PLCG2: variants seen among roughly 807,000 people sequenced by gnomAD.
The protein encoded by PLCG2 is phospholipase C gamma 2.
In PLCG2, 69 loss-of-function variants were observed where a neutral mutation model predicts 175.6. The ratio of observed to expected loss-of-function variants is 0.39; its 90% confidence interval spans 0.32 to 0.48. The LOEUF (loss-of-function observed/expected upper bound fraction) is 0.48. Ranked by LOEUF, PLCG2 falls within the 20% of genes least tolerant of loss-of-function variation. PLCG2 has a pLI of 0.91. For missense variants in PLCG2, 1,798 were observed against 1,650.9 expected, an observed-to-expected ratio of 1.09 and a Z score of -1.54; for synonymous variants, 827 against 624.0, an observed-to-expected ratio of 1.33 and a Z score of -4.85.
intron 5 of PLCG2, 111 bp from the exon 6 acceptor site, chr16:81,869,103 G>T: frequency 2.7e-6 from 2 of 747,840 alleles, no homozygotes; most frequent in South Asian, 3.1e-5. Flanking sequence ...AATAACTGTT[G>T]ACCAGGCTCT....
intron 3 of PLCG2, among the ~76,000 whole-genome samples, chr16:81,856,515 A>G (rs549212092): frequency 6.6e-6 from 1 of 152,324 alleles, no homozygotes; most frequent in South Asian, 2.1e-4. Flanking sequence ...AGCAAGCTCT[A>G]CTTGCTGTCC....
intron 2 of PLCG2, among the ~76,000 whole-genome samples, chr16:81,804,492 T>G (rs543374306): frequency 6.6e-6 from 1 of 152,358 alleles, no homozygotes; most frequent in African/African-American, 2.4e-5. Context: ...GGACACTGAT[T>G]GGCAAGGATG....
chr16:81,944,855 A>C (rs991002806), intron 30 of PLCG2, among the ~76,000 whole-genome samples: 3 of 152,138 alleles, frequency 2.0e-5, no homozygotes, highest in Non-Finnish European at 4.4e-5. Flanking sequence ...TCCCCCATAG[A>C]TATCAAGGGC....
intron 30 of PLCG2, among the ~76,000 whole-genome samples, chr16:81,945,915 C>T (rs1911130721): frequency 1.3e-5 from 2 of 152,208 alleles, no homozygotes; most frequent in Middle Eastern, 3.2e-3. Flanking sequence ...TTAATTTCTT[C>T]TGAGTGAATC....
At chr16:81,778,044 A>AAACAAACAAACAAACAAAC (rs1567457783), upstream of PLCG2, among the ~76,000 whole-genome samples, 1 of 83,782 alleles carries the variant, frequency 1.2e-5, no homozygotes, top group African/African-American at 5.6e-5. Flanking sequence ...AAAAAAAAAC[A>AAACAAACAAACAAACAAAC]AAAAAAAAAA....
chr16:81,813,244 C>T (rs535280174), intron 2 of PLCG2, among the ~76,000 whole-genome samples: 36 of 152,276 alleles, frequency 2.4e-4, no homozygotes, highest in African/African-American at 8.7e-4. Flanking sequence ...AGCATTGAAT[C>T]TATAAATTAC....
At chr16:81,802,632 C>T (rs542432066) in intron 2 of PLCG2, among the ~76,000 whole-genome samples, 46 of 151,994 alleles carry the variant, frequency 3.0e-4, no homozygotes, top group African/African-American at 9.4e-4. Context: ...AGTGCAGTGG[C>T]GCAATCTCAG....
chr16:81,841,643 G>A (rs1483174723), intron 2 of PLCG2, among the ~76,000 whole-genome samples: 1 of 152,076 alleles, frequency 6.6e-6, no homozygotes, highest in African/African-American at 2.4e-5. Flanking sequence ...AGCCAGAATA[G>A]AGGCTTCTTC....
In PLCG2 at chr16:81,962,344, T is replaced by G. The variant is rs77055354; in HGVS notation, c.*4346T>G. 4.8e-6 allele frequency: 1 copy of G among 207,896 alleles called. No individual in the cohort carries two copies. Among genetic ancestry groups the G allele is most frequent in the Non-Finnish European group, 9.8e-6 (1 of 102,348 alleles). 12.9% of individuals were successfully genotyped at this position (207,896 alleles called of 1,614,324 possible). A position where few individuals can be genotyped will look rare whatever the true frequency, so the allele number is the denominator to read the frequency against. On this transcript the variant is annotated 3_prime_UTR_variant, in exon 33 of 33. Transcript: ENST00000564138. Reference sequence around the variant, plus strand: ...TTCTAACCAACAAAAAGTTAATAATTAGATTTGGAATTATACAGAATTAGA... The same window carrying G: ...TTCTAACCAACAAAAAGTTAATAATGAGATTTGGAATTATACAGAATTAGA...
intron 7 of PLCG2, among the ~76,000 whole-genome samples, chr16:81,875,558 A>G (rs1447857768): frequency 6.6e-6 from 1 of 152,194 alleles, no homozygotes; most frequent in Non-Finnish European, 1.5e-5. Context: ...AGCTGACTTC[A>G]GCCATTATCA....
Position 81,862,368 on chromosome 16 carries a change from G to A in PLCG2, c.479+3205G>A, listed in dbSNP as rs116536188. Among the ~76,000 whole-genome samples the A allele has an allele frequency of 4.9e-3, 744 of 152,334 alleles. 7 individuals are homozygous for A. The highest frequency in any genetic ancestry group is 0.017 in the African/African-American group (711 of 41,572). ...TACAGCCTTCTTTGCAGCCGTGGCT[G>A]TAATAAGCACTTTACATCCTTAGGA... On this transcript the variant is annotated intron_variant, in intron 5 of 32. Coordinates refer to ENST00000564138, the MANE Select transcript of PLCG2 (RefSeq NM_002661.5).
chr16:81,765,418 G>A (rs950619380), intron 2 of PLCG2, among the ~76,000 whole-genome samples: 5 of 152,216 alleles, frequency 3.3e-5, no homozygotes, highest in African/African-American at 9.7e-5. Context: ...ATCACTTGAG[G>A]TCAGGAGTTC....
intron 2 of PLCG2, among the ~76,000 whole-genome samples, chr16:81,816,502 C>G (rs900619419): frequency 2.0e-5 from 3 of 149,440 alleles, no homozygotes; most frequent in Non-Finnish European, 3.0e-5. Flanking sequence ...TTTTGAGACA[C>G]GGTCTCATTC....
At chr16:81,889,931 A>C (rs1163255407) in intron 10 of PLCG2, among the ~76,000 whole-genome samples, 1 of 152,034 alleles carries the variant, frequency 6.6e-6, no homozygotes, top group Admixed American at 6.6e-5. Context: ...CTGGGATTAT[A>C]GGTGTGAGCC....
intron 14 of PLCG2, among the ~76,000 whole-genome samples, chr16:81,902,547 A>T (rs887806704): frequency 1.3e-5 from 2 of 152,064 alleles, no homozygotes; most frequent in Admixed American, 1.3e-4. Flanking sequence ...CCTCTTTTAT[A>T]AGGGCACCAT....
chr16:81,961,333 T>A lies in PLCG2; in HGVS notation c.*3335T>A, dbSNP rs116080155. 6.4e-3 allele frequency: 1,431 copies of A among 225,326 alleles called. 28 individuals carry two copies. The highest frequency in any genetic ancestry group is 0.029 in the African/African-American group (1,324 of 45,032). The allele number at this position is 225,326 out of a possible 1,614,324, so 14.0% of individuals were successfully genotyped here. A position where few individuals can be genotyped will look rare whatever the true frequency, so the allele number is the denominator to read the frequency against. ...TTAAGATGTTATCAATCTACATAGA[T>A]GAAATAATTGTGGAGAAAAGCCCTC... On this transcript the variant is annotated 3_prime_UTR_variant, in exon 33 of 33. Transcript: ENST00000564138.
chr16:81,800,377 C>T (rs184987916), intron 2 of PLCG2, among the ~76,000 whole-genome samples: 98 of 152,220 alleles, frequency 6.4e-4, no homozygotes, highest in African/African-American at 2.3e-3. Context: ...TACCCTGCTC[C>T]CCAACAGGCC....
At chr16:81,805,983 TA>T (rs1912004346) in intron 2 of PLCG2, among the ~76,000 whole-genome samples, 1 of 151,898 alleles carries the variant, frequency 6.6e-6, no homozygotes, top group Admixed American at 6.6e-5. Context: ...TTCATAAAGG[TA>T]AAAAGAGGTG....
intron 31 of PLCG2, among the ~76,000 whole-genome samples, chr16:81,950,002 T>C (rs12932861): frequency 0.08 from 12,149 of 152,090 alleles, 495 homozygotes; most frequent in African/African-American, 0.092. Context: ...ACTGTCAGAA[T>C]TGAAAAACAG....
Sources: gnomAD v4.1 joint callset for allele counts (sites outside exome capture counted in the v4.1 genomes callset) on GRCh38, gnomAD v4.1.1 for gene constraint, MANE v1.5 for transcripts, NCBI Gene and HGNC (gene_info 2026-07-23, HGNC 2026-07-21) for gene names.